Variants in RPS4Y2 observed in about 807,000 individuals in gnomAD.
RPS4Y2 encodes the protein ribosomal protein S4 Y-linked 2.
RPS4Y2 carries 6 observed loss-of-function variants against 5.0 expected under a neutral mutation model. That is an observed-to-expected ratio of 1.20 (90% CI 0.66 to 2.37). The LOEUF is 2.37. Among genes scored for constraint, RPS4Y2 ranks in the 30% most tolerant of loss-of-function variants. The pLI, the probability that RPS4Y2 is intolerant of heterozygous loss-of-function variation, is 0.00. For missense variants in RPS4Y2, 80 were observed against 59.5 expected (o/e 1.34, Z -1.13); for synonymous variants, 19 against 19.9 (o/e 0.96, Z 0.12).
chrY:20,759,781 G>A, intron 2 of RPS4Y2, 87 bp from the exon 3 acceptor site: 1 of 269,856 alleles, frequency 3.7e-6, no homozygotes, highest in Non-Finnish European at 5.8e-6. Flanking sequence ...TTCAGCTAAT[G>A]CTGAACTAAG....
At position 20,756,180 on chromosome Y, in the gene RPS4Y2, G is replaced by A. The variant is rs756856301; in HGVS notation, c.3+14G>A. ...GATTTCGCCATGGTAAGACGTCTGC[G>A]TCCTAGCTCCGGATTTATCTGCCTC... On this transcript the variant is annotated intron_variant, in intron 1 of 6. Coordinates refer to ENST00000629237, the MANE Select transcript of RPS4Y2 (RefSeq NM_001039567.3). 5 of 395,413 alleles carry A rather than the reference G, an allele frequency of 1.3e-5. No homozygotes were observed. The Admixed American group carries it at 2.9e-4, about 23-fold the overall frequency.
At position 20,756,123 on chromosome Y, in the gene RPS4Y2, A is replaced by G; in HGVS notation, c.-41A>G. ...GTTTATCACCGCAGATTACGGTTGC[A>G]CCGTAAAAGGAGAGGTTCTGTTCCG... On this transcript the variant is annotated 5_prime_UTR_variant, in exon 1 of 7. Transcript: ENST00000629237. 1 of 391,624 alleles carries G rather than the reference A, an allele frequency of 2.6e-6. No homozygotes were observed. The highest frequency in any genetic ancestry group is 3.6e-6 in the Non-Finnish European group (1 of 276,831).
At position 20,779,578 on chromosome Y, in the gene RPS4Y2, A is replaced by G. The variant is rs764861035; in HGVS notation, c.602A>G (p.His201Arg). 10 of 397,384 alleles carry G rather than the reference A, an allele frequency of 2.5e-5. No homozygotes were observed. The highest frequency in any genetic ancestry group is 6.1e-5 in the African/African-American group (1 of 16,323). ...GGTGTGATCACAAACAGGGAAAGAC[A>G]TCCTGGTTCTTGCGATGTGGTACAT... ...RVGVITNRER[H>R]PGSCDVVHVK... Residue 201 changes from histidine to arginine, a missense_variant, in exon 6 of 7, where the codon CAT becomes CGT. Physicochemically the swap from His to Arg is conservative, Grantham distance 29. Coordinates refer to ENST00000629237, the MANE Select transcript of RPS4Y2 (RefSeq NM_001039567.3).
In RPS4Y2 at chrY:20,760,015, C is replaced by T; in HGVS notation, c.229C>T (p.Arg77Ter). 1 of 397,597 alleles carries T rather than the reference C, an allele frequency of 2.5e-6. No homozygotes were observed. The highest frequency in any genetic ancestry group is 3.5e-6 in the Non-Finnish European group (1 of 282,376). ...CTTCCTCAAAATTGATGGCAAGGTTCGAGTGGACATCACATACCCTGCTGG... is the reference window on the plus strand; with the variant it reads ...CTTCCTCAAAATTGATGGCAAGGTTTGAGTGGACATCACATACCCTGCTGG... The part of the protein sequence containing the change: ...QHFLKIDGKV[R>*]VDITYPAGFI... The change falls in exon 3 of 7, where the codon CGA (arginine) becomes TGA (stop). Residue 77 changes from arginine (R) to a stop codon, truncating the protein, a stop_gained. Transcript: ENST00000629237. LOFTEE classifies it high-confidence loss of function.
At chrY:20,780,872 C>T in intron 6 of RPS4Y2, 59 bp from the exon 7 acceptor site, 1 of 229,882 alleles carries the variant, frequency 4.4e-6, no homozygotes, top group South Asian at 3.8e-5. Flanking sequence ...AGCTTTCTTT[C>T]GTCTCCTCCC....
chrY:20,756,818 C>G lies in RPS4Y2; in HGVS notation c.44C>G (p.Pro15Arg). The G allele has an allele frequency of 5.0e-6, 2 of 398,601 alleles. No individual in the cohort carries two copies. Among genetic ancestry groups the G allele is most frequent in the Non-Finnish European group, 7.1e-6 (2 of 283,415 alleles). The change falls in exon 2 of 7, where the codon CCG becomes CGG. Residue 15 changes from proline to arginine, a missense_variant. Coordinates refer to ENST00000629237, the MANE Select transcript of RPS4Y2 (RefSeq NM_001039567.3). Reference protein sequence around the residue: ...PKKHLKRVAAPKHWMLDKLTG... With the variant: ...PKKHLKRVAARKHWMLDKLTG... ...AAGCACTTGAAGCGTGTTGCAGCGC[C>G]GAAGCATTGGATGCTGGATAAACTA...
In RPS4Y2 at chrY:20,756,127, T is replaced by C; in HGVS notation, c.-37T>C. ...ATCACCGCAGATTACGGTTGCACCG[T>C]AAAAGGAGAGGTTCTGTTCCGTCGC... On this transcript the variant is annotated 5_prime_UTR_variant, in exon 1 of 7. Coordinates refer to ENST00000629237, the MANE Select transcript of RPS4Y2 (RefSeq NM_001039567.3). 2.5e-6 allele frequency: 1 copy of C among 394,946 alleles called. No homozygotes were observed. The highest frequency in any genetic ancestry group is 3.6e-6 in the Non-Finnish European group (1 of 279,765).
intron 5 of RPS4Y2, 25 bp from the exon 6 acceptor site, chrY:20,779,484 C>A: frequency 2.7e-6 from 1 of 377,299 alleles, no homozygotes; most frequent in African/African-American, 6.3e-5. Flanking sequence ...TGACTCCTCT[C>A]CTGTTTATTT....
intron 6 of RPS4Y2, 148 bp downstream of exon 6, chrY:20,779,814 T>C: frequency 1.2e-5 from 2 of 161,894 alleles, no homozygotes; most frequent in Admixed American, 1.2e-4. Flanking sequence ...GTATTTAGCC[T>C]CTGACCAGAA....
At position 20,756,813 on chromosome Y, in the gene RPS4Y2, A is replaced by G. The variant is rs375056491; in HGVS notation, c.39A>G (p.Ala13=). 1.1e-3 allele frequency: 427 copies of G among 398,766 alleles called. No homozygotes were observed. In the Middle Eastern group the frequency reaches 0.012, roughly 12 times the overall value. The change falls in exon 2 of 7, where the codon GCA becomes GCG. Residue 13 remains alanine, a synonymous_variant. Coordinates refer to ENST00000629237, the MANE Select transcript of RPS4Y2 (RefSeq NM_001039567.3). ...RGPKKHLKRV[A]APKHWMLDKL... ...CCAAGAAGCACTTGAAGCGTGTTGC[A>G]GCGCCGAAGCATTGGATGCTGGATA...
chrY:20,779,451 C>T, intron 5 of RPS4Y2, 58 bp from the exon 6 acceptor site: 2 of 323,034 alleles, frequency 6.2e-6, no homozygotes, highest in Non-Finnish European at 8.8e-6. Context: ...TAAAGGACAG[C>T]AGGCCTCTAT....
chrY:20,761,340 G>A lies in RPS4Y2; in HGVS notation c.319G>A (p.Gly107Ser). The A allele has an allele frequency of 2.5e-6, 1 of 395,473 alleles. No homozygotes were observed. The highest frequency in any genetic ancestry group is 3.6e-6 in the Non-Finnish European group (1 of 280,566). The change falls in exon 4 of 7, where the codon GGC (glycine) becomes AGC (serine). Residue 107 changes from glycine to serine, a missense_variant. Transcript: ENST00000629237. Reference sequence around the variant, plus strand: ...TTTCCGCCTGGTCTATAATACCAAGGGCTGTTTTGCTGTTCATCGTATCAC... The same window carrying A: ...TTTCCGCCTGGTCTATAATACCAAGAGCTGTTTTGCTGTTCATCGTATCAC... ...EHFRLVYNTKGCFAVHRITVE... is the reference protein window; with the variant it reads ...EHFRLVYNTKSCFAVHRITVE...
chrY:20,768,797 G>A lies in RPS4Y2; in HGVS notation c.361-8G>A, dbSNP rs369641476. Reference sequence around the variant, plus strand: ...TACATGCTAAATTGGTTTTCCTTATGTGTATAGTACAAGTTGTGCAAAGTG... The same window carrying A: ...TACATGCTAAATTGGTTTTCCTTATATGTATAGTACAAGTTGTGCAAAGTG... On this transcript the variant is annotated splice_polypyrimidine_tract_variant and splice_region_variant and intron_variant, in intron 4 of 6. Transcript: ENST00000629237. 69 of 390,956 alleles carry A rather than the reference G, an allele frequency of 1.8e-4. No homozygotes were observed. The highest frequency in any genetic ancestry group is 2.4e-4 in the Non-Finnish European group (65 of 276,391).
At chrY:20,756,650 A>C in intron 1 of RPS4Y2, 128 bp from the exon 2 acceptor site, 4 of 194,078 alleles carry the variant, frequency 2.1e-5, no homozygotes. Flanking sequence ...ACTGGGCGTG[A>C]AATAGCCTGG....
Position 20,779,683 on chromosome Y carries a change from C to T in RPS4Y2, c.690+17C>T. On this transcript the variant is annotated intron_variant, in intron 6 of 6. Coordinates refer to ENST00000629237, the MANE Select transcript of RPS4Y2 (RefSeq NM_001039567.3). ...ATTGGCAATGTAAGACTTGCACTCT[C>T]TTTACTACTTTCTAAGAAGACTCAC... The T allele has an allele frequency of 2.6e-6, 1 of 377,759 alleles. No homozygotes were observed. Among genetic ancestry groups the T allele is most frequent in the Non-Finnish European group, 3.8e-6 (1 of 264,422 alleles). 94.2% of individuals were successfully genotyped at this position (377,759 alleles called of 400,897 possible). A position where few individuals can be genotyped will look rare whatever the true frequency, so the allele number is the denominator to read the frequency against.
At chrY:20,756,682 C>T in intron 1 of RPS4Y2, 96 bp from the exon 2 acceptor site, 2 of 226,721 alleles carry the variant, frequency 8.8e-6, no homozygotes, top group Non-Finnish European at 1.5e-5. Flanking sequence ...TCCTCCGATC[C>T]GGTATTACCC....
rs1256088085 is a variant in RPS4Y2, at chrY:20,756,806, G to T, written c.32G>T (p.Arg11Leu). Residue 11 changes from arginine to leucine, a missense_variant, in exon 2 of 7, where the codon CGT becomes CTT. Transcript: ENST00000629237. ...CGGGGCCCCAAGAAGCACTTGAAGC[G>T]TGTTGCAGCGCCGAAGCATTGGATG... Reference protein sequence around the residue: MARGPKKHLKRVAAPKHWMLD... With the variant: MARGPKKHLKLVAAPKHWMLD... 2 of 398,898 alleles carry T rather than the reference G, an allele frequency of 5.0e-6. No individual in the cohort carries two copies. Among genetic ancestry groups the T allele is most frequent in the South Asian group, 5.9e-5 (2 of 33,808 alleles).
chrY:20,756,647 G>A (rs1009147505), intron 1 of RPS4Y2, 131 bp from the exon 2 acceptor site: 2 of 189,692 alleles, frequency 1.1e-5, no homozygotes, highest in Middle Eastern at 2.4e-3. Flanking sequence ...AAAACTGGGC[G>A]TGAAATAGCC....
Position 20,779,541 on chromosome Y carries a change from C to T in RPS4Y2, c.565C>T (p.Leu189Phe). ...ATGTATGGTGATTGCTGGAGCTAAC[C>T]TCGGTCGTGTTGGTGTGATCACAAA... is the stretch of plus-strand genomic sequence containing the variant. The part of the protein sequence containing the change: ...NVCMVIAGAN[L>F]GRVGVITNRE... The change falls in exon 6 of 7, where the codon CTC becomes TTC. Residue 189 changes from leucine (L) to phenylalanine (F), a missense_variant. Coordinates refer to ENST00000629237, the MANE Select transcript of RPS4Y2 (RefSeq NM_001039567.3). 1 of 396,592 alleles carries T rather than the reference C, an allele frequency of 2.5e-6. No homozygotes were observed. Among genetic ancestry groups the T allele is most frequent in the Admixed American group, 7.4e-5 (1 of 13,438 alleles).
Sources: allele counts gnomAD v4.1 joint callset, GRCh38; gene constraint gnomAD v4.1.1; transcripts MANE v1.5; gene names NCBI Gene and HGNC (gene_info 2026-07-23, HGNC 2026-07-21).